AGAP1: variants seen among roughly 807,000 people sequenced by gnomAD.
AGAP1 encodes ArfGAP with GTPase domain, ankyrin repeat and PH domain 1, also known as arf-GAP with GTPase, ANK repeat and PH domain-containing protein 1.
Under a neutral mutation model 105.3 loss-of-function variants are expected in AGAP1, and 29 were observed. The observed-to-expected ratio is 0.28, with a 90% CI of 0.21 to 0.38. The LOEUF is 0.38. AGAP1 is among the 10% of genes least tolerant of loss of function. The pLI, the probability that AGAP1 is intolerant of heterozygous loss-of-function variation, is 1.00. For missense variants in AGAP1, 998 were observed against 1,165.1 expected (o/e 0.86, Z 2.09); for synonymous variants, 509 against 485.9 (o/e 1.05, Z -0.63).
In AGAP1 at chr2:235,960,966, G is replaced by A; in HGVS notation, c.1484-7496G>A. ...CTGCTGTGTGATACACCAGAAAGTGGTCCGTTCCATCCACCCGCGCAAGTG... is the reference window on the plus strand; with the variant it reads ...CTGCTGTGTGATACACCAGAAAGTGATCCGTTCCATCCACCCGCGCAAGTG... On this transcript the variant is annotated intron_variant, in intron 12 of 17. Coordinates refer to ENST00000304032, the MANE Select transcript of AGAP1 (RefSeq NM_001037131.3). The surrounding 1 kb of genome is among the most constrained non-coding windows in gnomAD (Gnocchi z 4.9). Among the ~76,000 whole-genome samples, 1 of 152,156 alleles carries A rather than the reference G, an allele frequency of 6.6e-6. No homozygotes were observed. Among genetic ancestry groups the A allele is most frequent in the South Asian group, 2.1e-4 (1 of 4,828 alleles).
chr2:235,979,680 A>G lies in AGAP1; in HGVS notation c.1645+11057A>G, dbSNP rs1278487329. Reference sequence around the variant, plus strand: ...TCTTGTGCACGTGGGACATGGAGAAAATTGGCCATTTGTCTGTGGGGTAAT... The same window carrying G: ...TCTTGTGCACGTGGGACATGGAGAAGATTGGCCATTTGTCTGTGGGGTAAT... On this transcript the variant is annotated intron_variant, in intron 13 of 17. Transcript: ENST00000304032. This position sits in a 1 kb window ranked among gnomAD's most constrained non-coding sequence, Gnocchi z 4.5. Among the ~76,000 whole-genome samples, 3 of 152,164 alleles carry G rather than the reference A, an allele frequency of 2.0e-5. No individual in the cohort carries two copies. The highest frequency in any genetic ancestry group is 7.2e-5 in the African/African-American group (3 of 41,436).
chr2:235,571,241 G>T (rs913530352), intron 1 of AGAP1, among the ~76,000 whole-genome samples: 11 of 152,204 alleles, frequency 7.2e-5, no homozygotes, highest in Admixed American at 5.9e-4. Context: ...AACACTGGGG[G>T]TTACCGTTCG....
chr2:235,859,936 C>T lies in AGAP1; in HGVS notation c.1051-23409C>T, dbSNP rs148180146. ...CCACCAGCAAGCAGAGGTTGTATGG[C>T]CACTGCGAATGTCTCTTGTAAAGGA... is the stretch of plus-strand genomic sequence containing the variant. On this transcript the variant is annotated intron_variant, in intron 9 of 17. Transcript: ENST00000304032. Among the ~76,000 whole-genome samples, 653 of 152,292 alleles carry T rather than the reference C, an allele frequency of 4.3e-3. 3 individuals carry two copies. The highest frequency in any genetic ancestry group is 0.015 in the African/African-American group (617 of 41,556).
At position 235,714,405 on chromosome 2, in the gene AGAP1, G is replaced by C. The variant is rs10188999; in HGVS notation, c.223-3152G>C. 0.27 allele frequency among the ~76,000 whole-genome samples: 40,694 copies of C among 151,812 alleles called. 6,166 individuals are homozygous for C. Among genetic ancestry groups the C allele is most frequent in the Non-Finnish European group, 0.34 (23,240 of 67,942 alleles). On this transcript the variant is annotated intron_variant, in intron 2 of 17. Coordinates refer to ENST00000304032, the MANE Select transcript of AGAP1 (RefSeq NM_001037131.3). The surrounding 1 kb of genome is among the most constrained non-coding windows in gnomAD (Gnocchi z 4.1). Reference sequence around the variant, plus strand: ...ATTCCTACCATATAGTTGAAGGCTTGTCAGAGGAGGTGACATCTGAACTGA... The same window carrying C: ...ATTCCTACCATATAGTTGAAGGCTTCTCAGAGGAGGTGACATCTGAACTGA...
rs1375238946 is a variant in AGAP1 at position 235,961,926 on chromosome 2, G to A, written c.1484-6536G>A. On this transcript the variant is annotated intron_variant, in intron 12 of 17. Coordinates refer to ENST00000304032, the MANE Select transcript of AGAP1 (RefSeq NM_001037131.3). The surrounding 1 kb of genome is among the most constrained non-coding windows in gnomAD (Gnocchi z 5.9). ...GTTTAGTGCCGGGTGCTGGGTGAGC[G>A]AGGGTGGGTGAGCATCCATTTCCCA... 5.9e-5 allele frequency among the ~76,000 whole-genome samples: 9 copies of A among 152,198 alleles called. No individual in the cohort carries two copies. Among genetic ancestry groups the A allele is most frequent in the Non-Finnish European group, 7.4e-5 (5 of 68,026 alleles).
chr2:235,575,429 G>T (rs372289796), intron 1 of AGAP1, among the ~76,000 whole-genome samples: 4 of 152,380 alleles, frequency 2.6e-5, no homozygotes, highest in African/African-American at 9.6e-5. Context: ...GTCTTTGAAT[G>T]TGGCAGAAGC....
At position 235,883,581 on chromosome 2, in the gene AGAP1, C is replaced by T. The variant is rs2050133906; in HGVS notation, c.1155+132C>T. The T allele has an allele frequency of 5.9e-6, 4 of 676,104 alleles. No homozygotes were observed. The highest frequency in any genetic ancestry group is 1.8e-5 in the African/African-American group (1 of 55,702). 41.9% of individuals were successfully genotyped at this position (676,104 alleles called of 1,614,324 possible). A position where few individuals can be genotyped will look rare whatever the true frequency, so the allele number is the denominator to read the frequency against. ...AAGTCGTATTTGGTCTCCTGCTCAA[C>T]TGTGAGATAAATAACCCTGTTCCTC... On this transcript the variant is annotated intron_variant, in intron 10 of 17. Transcript: ENST00000304032. This position sits in a 1 kb window ranked among gnomAD's most constrained non-coding sequence, Gnocchi z 4.5.
intron 6 of AGAP1, among the ~76,000 whole-genome samples, chr2:235,767,486 C>T (rs1349546937): frequency 6.6e-6 from 1 of 151,846 alleles, no homozygotes; most frequent in Non-Finnish European, 1.5e-5. Context: ...AAAGCCATGA[C>T]CTTACCTTTA....
rs79340469 is a variant in AGAP1, at chr2:235,725,507, G to GAA, written c.310+7876_310+7877dup. On this transcript the variant is annotated intron_variant, in intron 3 of 17. Transcript: ENST00000304032. The surrounding 1 kb of genome is among the most constrained non-coding windows in gnomAD (Gnocchi z 5.7). ...TTGGGTGCTGTTTAATGTTCCAGTG[G>GAA]AAAAAAAAAAAAAACACCTGTAATA... Among the ~76,000 whole-genome samples the GAA allele has an allele frequency of 7.9e-6, 1 of 126,574 alleles. No individual in the cohort carries two copies. Among genetic ancestry groups the GAA allele is most frequent in the Non-Finnish European group, 1.7e-5 (1 of 58,932 alleles). The allele number at this position is 126,574 out of a possible 152,430, so 83.0% of individuals were successfully genotyped here.
Position 236,040,400 on chromosome 2 carries a change from G to GT in AGAP1, c.1801-350dup, listed in dbSNP as rs1264986299. ...ATTTCTTTCTCATTCTTCTTACCAA[G>GT]TAGACATGTGGCTACTGCCCAGAAG... On this transcript the variant is annotated intron_variant, in intron 14 of 17. Transcript: ENST00000304032. The surrounding 1 kb of genome is among the most constrained non-coding windows in gnomAD (Gnocchi z 5.6). Among the ~76,000 whole-genome samples, 4 of 152,254 alleles carry GT rather than the reference G, an allele frequency of 2.6e-5. No homozygotes were observed. Among genetic ancestry groups the GT allele is most frequent in the African/African-American group, 9.6e-5 (4 of 41,542 alleles).
At chr2:235,544,819 C>G (rs1239531892) in intron 1 of AGAP1, among the ~76,000 whole-genome samples, 2 of 152,062 alleles carry the variant, frequency 1.3e-5, no homozygotes, top group Admixed American at 6.6e-5. Flanking sequence ...TTGAGGGGAC[C>G]TTTCATCTCA....
intron 9 of AGAP1, among the ~76,000 whole-genome samples, chr2:235,840,112 T>G (rs890728840): frequency 1.8e-4 from 27 of 152,208 alleles, no homozygotes; most frequent in African/African-American, 6.0e-4. Flanking sequence ...GTGGTTTCTG[T>G]TTTTCCCCTC....
At chr2:235,495,301 C>T (rs959143188) in intron 1 of AGAP1, among the ~76,000 whole-genome samples, 1 of 152,226 alleles carries the variant, frequency 6.6e-6, no homozygotes, top group Non-Finnish European at 1.5e-5. Context: ...CGTGTTTGGG[C>T]GGTGCAGGGC....
At chr2:235,776,876 C>T in intron 6 of AGAP1, 1 of 469,962 alleles carries the variant, frequency 2.1e-6, no homozygotes, top group Non-Finnish European at 4.4e-6. Flanking sequence ...CTCTCCTAGC[C>T]CTTTCTTGGC....
rs1490785155 is a variant in AGAP1, at chr2:235,988,791, C to T, written c.1645+20168C>T. 6.6e-6 allele frequency among the ~76,000 whole-genome samples: 1 copy of T among 152,166 alleles called. No homozygotes were observed. The highest frequency in any genetic ancestry group is 1.9e-4 in the East Asian group (1 of 5,188). On this transcript the variant is annotated intron_variant, in intron 13 of 17. Coordinates refer to ENST00000304032, the MANE Select transcript of AGAP1 (RefSeq NM_001037131.3). The surrounding 1 kb of genome is among the most constrained non-coding windows in gnomAD (Gnocchi z 4.7). The stretch of plus-strand genomic sequence containing the variant: ...ATGCGCACTCATTCCCCTGCACCCA[C>T]CCTTTTTTCTGTGGTCAGCATGTGT...
intron 16 of AGAP1, among the ~76,000 whole-genome samples, chr2:236,084,918 A>G (rs2058884747): frequency 6.6e-6 from 1 of 151,110 alleles, no homozygotes; most frequent in Admixed American, 6.6e-5. Flanking sequence ...AAATAAAATA[A>G]AATAAGATTT....
chr2:236,015,962 A>G (rs2125581268), intron 13 of AGAP1, among the ~76,000 whole-genome samples: 1 of 152,260 alleles, frequency 6.6e-6, no homozygotes, highest in East Asian at 1.9e-4. Context: ...TTGCCGATTT[A>G]TATCACCATC....
intron 9 of AGAP1, among the ~76,000 whole-genome samples, chr2:235,869,413 T>C (rs1308198642): frequency 1.1e-5 from 1 of 90,938 alleles, no homozygotes; most frequent in Non-Finnish European, 2.0e-5. Flanking sequence ...TGAAACTCCA[T>C]CTCTACTAAA....
chr2:235,729,240 C>T lies in AGAP1; in HGVS notation c.310+11596C>T, dbSNP rs1207267758. ...CTAGGGCGTGTGCCCCTTGAGGAGC[C>T]GCATCCGCTTATTGGGCCTAAGAAA... On this transcript the variant is annotated intron_variant, in intron 3 of 17. Coordinates refer to ENST00000304032, the MANE Select transcript of AGAP1 (RefSeq NM_001037131.3). The surrounding 1 kb of genome is among the most constrained non-coding windows in gnomAD (Gnocchi z 5.0). Among the ~76,000 whole-genome samples, 2 of 152,142 alleles carry T rather than the reference C, an allele frequency of 1.3e-5. No individual in the cohort carries two copies. Among genetic ancestry groups the T allele is most frequent in the Admixed American group, 6.5e-5 (1 of 15,284 alleles).
Sources: gnomAD v4.1 joint callset for allele counts (sites outside exome capture counted in the v4.1 genomes callset) on GRCh38, gnomAD v4.1.1 for gene constraint, Gnocchi (gnomAD v3.1) non-coding constraint, MANE v1.5 for transcripts, NCBI Gene and HGNC (gene_info 2026-07-23, HGNC 2026-07-21) for gene names.